KCNQ5: variants seen among roughly 807,000 people sequenced by gnomAD.
KCNQ5 encodes the protein potassium voltage-gated channel subfamily KQT member 5.
A neutral mutation model predicts 98.2 loss-of-function variants in KCNQ5; 30 were observed. The observed-to-expected ratio is 0.31, with a 90% CI of 0.23 to 0.41. KCNQ5 has a LOEUF of 0.41. Among genes scored for constraint, KCNQ5 ranks in the 10% least tolerant of loss-of-function variants. The probability of loss-of-function intolerance (pLI) is 1.00; values close to 1 mark genes in which losing one functional copy is unlikely to be tolerated. For missense variants in KCNQ5, 835 were observed against 1,182.5 expected (o/e 0.71, Z 4.31); for synonymous variants, 458 against 449.4 (o/e 1.02, Z -0.24).
chr6:73,129,780 C>A, intron 9 of KCNQ5: 1 of 1,609,168 alleles, frequency 6.2e-7, no homozygotes, highest in Non-Finnish European at 8.5e-7. Context: ...TGCTCTATTT[C>A]CCTCACTCCT....
intron 3 of KCNQ5, among the ~76,000 whole-genome samples, chr6:73,052,265 T>C (rs1435064941): frequency 1.3e-5 from 2 of 152,196 alleles, no homozygotes; most frequent in African/African-American, 4.8e-5. Flanking sequence ...TATGACTCAC[T>C]GATGTCCCTG....
intron 1 of KCNQ5, among the ~76,000 whole-genome samples, chr6:72,722,079 T>C (rs1206423502): frequency 6.6e-6 from 1 of 151,436 alleles, no homozygotes; most frequent in African/African-American, 2.4e-5. Flanking sequence ...GAGACTGGAG[T>C]GATACAAGGA....
intron 1 of KCNQ5, among the ~76,000 whole-genome samples, chr6:72,728,797 C>T (rs961654545): frequency 6.6e-6 from 1 of 152,178 alleles, no homozygotes; most frequent in Non-Finnish European, 1.5e-5. Context: ...AATATGACAT[C>T]TCCTGGTACA....
intron 10 of KCNQ5, among the ~76,000 whole-genome samples, chr6:73,144,063 A>G (rs1048381951): frequency 1.3e-5 from 2 of 152,290 alleles, no homozygotes; most frequent in African/African-American, 4.8e-5. Flanking sequence ...TTTTAAAATT[A>G]TATTTAATCG....
At chr6:72,783,802 G>A (rs1330519047) in intron 1 of KCNQ5, among the ~76,000 whole-genome samples, 5 of 152,194 alleles carry the variant, frequency 3.3e-5, no homozygotes, top group Non-Finnish European at 7.3e-5. Context: ...TCTCTGTGCT[G>A]TAGTCTGGGC....
intron 11 of KCNQ5, among the ~76,000 whole-genome samples, chr6:73,172,903 A>G (rs1226801221): frequency 6.6e-6 from 1 of 152,236 alleles, no homozygotes; most frequent in Non-Finnish European, 1.5e-5. Flanking sequence ...GACAGTATGG[A>G]AAATAATATT....
At chr6:72,656,907 A>T (rs1235628687) in intron 1 of KCNQ5, among the ~76,000 whole-genome samples, 1 of 152,174 alleles carries the variant, frequency 6.6e-6, no homozygotes, top group Non-Finnish European at 1.5e-5. Context: ...TTTTATTAAT[A>T]ACCCAAACCC....
chr6:72,839,498 A>G (rs964856880), intron 1 of KCNQ5, among the ~76,000 whole-genome samples: 1 of 152,140 alleles, frequency 6.6e-6, no homozygotes, highest in African/African-American at 2.4e-5. Flanking sequence ...TGCAGGGATT[A>G]TGTTGTGGGG....
chr6:72,896,756 C>A (rs980794777), intron 1 of KCNQ5, among the ~76,000 whole-genome samples: 1 of 152,020 alleles, frequency 6.6e-6, no homozygotes, highest in Admixed American at 6.6e-5. Context: ...GAAAAAGTGC[C>A]GCTCCTAGAA....
chr6:72,866,634 G>A (rs770937265), intron 1 of KCNQ5, among the ~76,000 whole-genome samples: 8 of 152,092 alleles, frequency 5.3e-5, no homozygotes, highest in Admixed American at 2.0e-4. Flanking sequence ...ACAGTTGTGC[G>A]TTTATAGTTA....
intron 1 of KCNQ5, among the ~76,000 whole-genome samples, chr6:72,820,399 T>C (rs1161573184): frequency 1.3e-5 from 2 of 152,118 alleles, no homozygotes; most frequent in Non-Finnish European, 2.9e-5. Context: ...AATATGAGGG[T>C]AAGCAGGCAG....
Position 72,858,949 on chromosome 6 carries a change from C to T in KCNQ5, c.399-144959C>T, listed in dbSNP as rs950520666. Among the ~76,000 whole-genome samples, 3 of 150,656 alleles carry T rather than the reference C, an allele frequency of 2.0e-5. No individual in the cohort carries two copies. The East Asian group carries it at 5.9e-4, about 30-fold the overall frequency. On this transcript the variant is annotated intron_variant, in intron 1 of 13. Transcript: ENST00000370398. The stretch of plus-strand genomic sequence containing the variant: ...ATGTAAGATGTTGCCATGGCAGAAG[C>T]TGGATGAAATCTACACAGAAGCTTT...
chr6:72,981,881 C>A (rs921244022), intron 1 of KCNQ5, among the ~76,000 whole-genome samples: 4 of 152,184 alleles, frequency 2.6e-5, no homozygotes, highest in Non-Finnish European at 5.9e-5. Context: ...TTTCAAAGAA[C>A]ATCTTTATTT....
intron 1 of KCNQ5, among the ~76,000 whole-genome samples, chr6:72,872,884 A>G (rs543541037): frequency 6.6e-6 from 1 of 152,284 alleles, no homozygotes; most frequent in South Asian, 2.1e-4. Context: ...AATTATTTTT[A>G]TAGAGAATTC....
chr6:72,679,777 C>T (rs375703085), intron 1 of KCNQ5, among the ~76,000 whole-genome samples: 6 of 152,182 alleles, frequency 3.9e-5, no homozygotes, highest in South Asian at 2.1e-4. Context: ...TGGTGGCTCA[C>T]GTCTGTAATC....
At chr6:72,637,988 A>T (rs2098925179) in intron 1 of KCNQ5, among the ~76,000 whole-genome samples, 1 of 152,222 alleles carries the variant, frequency 6.6e-6, no homozygotes, top group Admixed American at 6.5e-5. Context: ...AAACAAAATG[A>T]GATGGGTTAG....
chr6:72,734,958 A>C (rs1040680169), intron 1 of KCNQ5, among the ~76,000 whole-genome samples: 1 of 152,194 alleles, frequency 6.6e-6, no homozygotes, highest in Non-Finnish European at 1.5e-5. Context: ...TTCTAATATC[A>C]GTCAATTAAC....
chr6:72,917,018 T>C (rs1562066135), intron 1 of KCNQ5, among the ~76,000 whole-genome samples: 1 of 152,170 alleles, frequency 6.6e-6, no homozygotes, highest in Non-Finnish European at 1.5e-5. Flanking sequence ...ACATATTCCC[T>C]GGCCATGGAG....
rs756241986 is a variant in KCNQ5 at position 73,077,468 on chromosome 6, C to T, written c.763C>T (p.Leu255=). ...MDRRGGTWKL[L]GSVVYAHSKE... is the part of the protein sequence containing the mutation. ...CCGAAGGGGAGGCACTTGGAAATTA[C>T]TGGGTTCAGTGGTTTATGCTCACAG... The change falls in exon 4 of 14, where the codon CTG becomes TTG. Residue 255 remains leucine, a synonymous_variant. Coordinates refer to ENST00000370398, the MANE Select transcript of KCNQ5 (RefSeq NM_019842.4). The T allele has an allele frequency of 6.2e-7, 1 of 1,614,126 alleles. No homozygotes were observed. Among genetic ancestry groups the T allele is most frequent in the East Asian group, 2.2e-5 (1 of 44,872 alleles).
Sources: gnomAD v4.1 joint callset for allele counts (sites outside exome capture counted in the v4.1 genomes callset) on GRCh38, gnomAD v4.1.1 for gene constraint, MANE v1.5 for transcripts, NCBI Gene and HGNC (gene_info 2026-07-23, HGNC 2026-07-21) for gene names.